The following UBR3 variants were observed in gnomAD, a reference collection of about 807,000 sequenced individuals.
UBR3 encodes the protein E3 ubiquitin-protein ligase UBR3.
Under a neutral mutation model 243.2 loss-of-function variants are expected in UBR3, and 85 were observed. The ratio of observed to expected loss-of-function variants is 0.35; its 90% confidence interval spans 0.29 to 0.42. The LOEUF is 0.42. Ranked by LOEUF, UBR3 falls within the 10% of genes least tolerant of loss-of-function variation. The probability of loss-of-function intolerance (pLI) is 1.00; values close to 1 mark genes in which losing one functional copy is unlikely to be tolerated. For missense variants in UBR3, 1,686 were observed against 2,300.8 expected (o/e 0.73, Z 5.47); for synonymous variants, 748 against 799.8 (o/e 0.94, Z 1.09).
At chr2:170,058,332 A>T (rs7561175) in intron 33 of UBR3, among the ~76,000 whole-genome samples, 124,682 of 152,018 alleles carry the variant, frequency 0.82, 51,436 homozygotes, top group East Asian at 0.89. Context: ...ATTATATATT[A>T]TTTGAAGGGG....
intron 36 of UBR3, among the ~76,000 whole-genome samples, chr2:170,075,822 C>G (rs1165268668): frequency 6.6e-6 from 1 of 151,378 alleles, no homozygotes; most frequent in African/African-American, 2.4e-5. Context: ...ATTACTACTT[C>G]TGAATTTTTT....
intron 24 of UBR3, among the ~76,000 whole-genome samples, chr2:169,967,603 G>A (rs1022011923): frequency 5.3e-5 from 8 of 152,064 alleles, no homozygotes; most frequent in Non-Finnish European, 1.2e-4. Flanking sequence ...TATCAGAAAG[G>A]ACAATAGCTA....
In UBR3 at chr2:169,919,764, C is replaced by G. The variant is rs1255433236; in HGVS notation, c.1867-4165C>G. ...GCAAATCAAAACCACAATTAGATAC[C>G]ATCTCACACCAGTTAGAATGGCAGT... is the stretch of plus-strand genomic sequence containing the variant. On this transcript the variant is annotated intron_variant, in intron 11 of 38. Transcript: ENST00000272793. Among the ~76,000 whole-genome samples, 5 of 152,146 alleles carry G rather than the reference C, an allele frequency of 3.3e-5. No individual in the cohort carries two copies. In the East Asian group the frequency reaches 9.6e-4, roughly 29 times the overall value.
At chr2:169,865,095 A>AT (rs1351679317) in intron 1 of UBR3, among the ~76,000 whole-genome samples, 46 of 148,084 alleles carry the variant, frequency 3.1e-4, no homozygotes, top group African/African-American at 6.2e-4. Context: ...CGAAAAAAAA[A>AT]TTTTTTTTTT....
intron 30 of UBR3, 82 bp downstream of exon 30, chr2:170,015,448 T>G: frequency 1.7e-6 from 2 of 1,145,580 alleles, no homozygotes; most frequent in South Asian, 2.8e-5. Flanking sequence ...TTTTGGTATA[T>G]TTCAAATTTT....
chr2:169,841,839 G>A (rs914800251), intron 1 of UBR3, among the ~76,000 whole-genome samples: 59 of 152,338 alleles, frequency 3.9e-4, no homozygotes, highest in Non-Finnish European at 6.0e-4. Context: ...CTCCTGTGCG[G>A]TCTGAGCTTC....
intron 1 of UBR3, among the ~76,000 whole-genome samples, chr2:169,837,704 T>C (rs547491247): frequency 6.6e-6 from 1 of 152,202 alleles, no homozygotes; most frequent in East Asian, 1.9e-4. Flanking sequence ...GAGAACAACA[T>C]AGGGCAAACC....
chr2:169,901,124 GGT>G lies in UBR3; in HGVS notation c.1466-3987_1466-3986del, dbSNP rs545955396. Among the ~76,000 whole-genome samples the G allele has an allele frequency of 5.7e-3, 870 of 152,006 alleles. 5 individuals are homozygous for G. Among genetic ancestry groups the G allele is most frequent in the Middle Eastern group, 0.017 (5 of 294 alleles). ...CTTCTCTACTTGTCCTATCAATATT[GGT>G]GTTTCTTGGCACTTTGTCCTAGTGT... On this transcript the variant is annotated intron_variant, in intron 8 of 38. Coordinates refer to ENST00000272793, the MANE Select transcript of UBR3 (RefSeq NM_172070.4).
intron 24 of UBR3, among the ~76,000 whole-genome samples, chr2:169,981,116 T>G (rs2088708884): frequency 6.6e-6 from 1 of 152,054 alleles, no homozygotes; most frequent in African/African-American, 2.4e-5. Context: ...TATAAATGAT[T>G]GAATAAATAA....
chr2:170,008,725 A>G (rs1480612313), intron 28 of UBR3, 79 bp from the exon 29 acceptor site: 3 of 706,214 alleles, frequency 4.2e-6, no homozygotes, highest in Non-Finnish European at 4.4e-6. Flanking sequence ...CTATGTTCAT[A>G]TAATAAACAT....
intron 1 of UBR3, among the ~76,000 whole-genome samples, chr2:169,830,663 T>C (rs1026808815): frequency 6.1e-5 from 9 of 148,228 alleles, no homozygotes; most frequent in South Asian, 2.1e-4. Context: ...TTTTTTTTTT[T>C]CCTTAATATG....
At chr2:170,037,302 C>A (rs937607191) in intron 31 of UBR3, among the ~76,000 whole-genome samples, 14 of 152,028 alleles carry the variant, frequency 9.2e-5, no homozygotes, top group African/African-American at 2.9e-4. Context: ...CATTTCTCTT[C>A]CCCAAACTCT....
At chr2:169,950,624 A>C (rs1287020074) in intron 23 of UBR3, among the ~76,000 whole-genome samples, 1 of 146,450 alleles carries the variant, frequency 6.8e-6, no homozygotes, top group Non-Finnish European at 1.5e-5. Context: ...TCTTGAAAAA[A>C]AAATGGGATT....
chr2:169,922,384 A>G (rs1158149887), intron 11 of UBR3, among the ~76,000 whole-genome samples: 1 of 152,150 alleles, frequency 6.6e-6, no homozygotes, highest in African/African-American at 2.4e-5. Context: ...TTAGTGTAGA[A>G]TATGTTACTA....
chr2:169,869,831 A>C (rs905004802), intron 1 of UBR3, among the ~76,000 whole-genome samples: 19 of 152,284 alleles, frequency 1.2e-4, no homozygotes, highest in African/African-American at 4.6e-4. Flanking sequence ...TGAATTGTTC[A>C]TGACCTTGCT....
At chr2:169,864,833 G>A (rs1051603295) in intron 1 of UBR3, among the ~76,000 whole-genome samples, 1 of 151,726 alleles carries the variant, frequency 6.6e-6, no homozygotes, top group Non-Finnish European at 1.5e-5. Context: ...CTTGAACCTG[G>A]GAGGCGGAGC....
chr2:169,837,619 G>T (rs778476154), intron 1 of UBR3, among the ~76,000 whole-genome samples: 5 of 152,220 alleles, frequency 3.3e-5, no homozygotes, highest in East Asian at 1.9e-4. Context: ...GAGCAGCAGG[G>T]GGGGAGAAGC....
At position 169,933,880 on chromosome 2, in the gene UBR3, T is replaced by TAACAACAAC. The variant is rs67099094; in HGVS notation, c.2663+891_2663+899dup. 5.9e-4 allele frequency among the ~76,000 whole-genome samples: 89 copies of TAACAACAAC among 151,384 alleles called. 3 individuals are homozygous for TAACAACAAC. In the South Asian group the frequency reaches 0.015, roughly 26 times the overall value. ...AAAACCAAAACGATCTTTAAATCAA[T>TAACAACAAC]AACAACAACAACAACAACAACAACA... is the stretch of plus-strand genomic sequence containing the variant. On this transcript the variant is annotated intron_variant, in intron 19 of 38. Coordinates refer to ENST00000272793, the MANE Select transcript of UBR3 (RefSeq NM_172070.4).
intron 35 of UBR3, among the ~76,000 whole-genome samples, chr2:170,064,149 G>C (rs2091506574): frequency 6.6e-6 from 1 of 152,060 alleles, no homozygotes; most frequent in South Asian, 2.1e-4. Flanking sequence ...ATTTCCCTCT[G>C]TATACTTTCT....
Sources: allele counts gnomAD v4.1 joint callset (sites outside exome capture counted in the v4.1 genomes callset), GRCh38; gene constraint gnomAD v4.1.1; transcripts MANE v1.5; gene names NCBI Gene and HGNC (gene_info 2026-07-23, HGNC 2026-07-21).